Variants in RSPO2 observed in about 807,000 individuals in gnomAD.
RSPO2 encodes the protein R-spondin-2.
RSPO2 carries 14 observed loss-of-function variants against 30.9 expected under a neutral mutation model. That is an observed-to-expected ratio of 0.45 (90% CI 0.30 to 0.71). RSPO2 has a LOEUF of 0.71. RSPO2 is among the 30% of genes least tolerant of loss of function. RSPO2 has a pLI of 0.08. For synonymous variants in RSPO2, 107 were observed against 96.4 expected, an observed-to-expected ratio of 1.11 and a Z score of -0.64; for missense variants, 264 against 301.9, an observed-to-expected ratio of 0.87 and a Z score of 0.93.
chr8:108,071,783 A>C (rs1341455118), intron 2 of RSPO2, among the ~76,000 whole-genome samples: 1 of 152,226 alleles, frequency 6.6e-6, no homozygotes, highest in African/African-American at 2.4e-5. Flanking sequence ...TCAAGAAGCA[A>C]GTATCAAAAT....
intron 4 of RSPO2, among the ~76,000 whole-genome samples, chr8:107,958,945 C>T (rs186284297): frequency 6.6e-6 from 1 of 152,270 alleles, no homozygotes; most frequent in African/African-American, 2.4e-5. Flanking sequence ...TGCAGTCTAT[C>T]AGTGATGAAC....
chr8:108,000,696 G>C (rs1475566120), intron 2 of RSPO2, among the ~76,000 whole-genome samples: 1 of 151,918 alleles, frequency 6.6e-6, no homozygotes, highest in Admixed American at 6.6e-5. Flanking sequence ...GAAATAAGTG[G>C]GACTTAGAAA....
intron 2 of RSPO2, among the ~76,000 whole-genome samples, chr8:108,050,317 A>G (rs753866228): frequency 1.1e-4 from 16 of 152,168 alleles, no homozygotes; most frequent in Admixed American, 1.3e-4. Flanking sequence ...GGATCGGTTA[A>G]TTATAACAAT....
At position 107,987,076 on chromosome 8, in the gene RSPO2, T is replaced by C. The variant is rs139326685; in HGVS notation, c.283+1980A>G. On this transcript the variant is annotated intron_variant, in intron 3 of 5. Coordinates refer to ENST00000276659, the MANE Select transcript of RSPO2 (RefSeq NM_178565.5). ...TCCAAGTTTCCTCTAAGCCTAAATA[T>C]TTCTAACTCTGCTAACGACGTAACA... is the stretch of plus-strand genomic sequence containing the variant. Among the ~76,000 whole-genome samples, 688 of 152,282 alleles carry C rather than the reference T, an allele frequency of 4.5e-3. 2 individuals are homozygous for C. Among genetic ancestry groups the C allele is most frequent in the African/African-American group, 0.016 (647 of 41,562 alleles).
At chr8:108,004,785 C>G (rs964389518) in intron 2 of RSPO2, among the ~76,000 whole-genome samples, 2 of 152,136 alleles carry the variant, frequency 1.3e-5, no homozygotes, top group Non-Finnish European at 2.9e-5. Flanking sequence ...GTATAATTTA[C>G]AGATATTCTG....
At chr8:108,077,337 A>G (rs1003746296) in intron 2 of RSPO2, among the ~76,000 whole-genome samples, 3 of 152,138 alleles carry the variant, frequency 2.0e-5, no homozygotes, top group African/African-American at 4.8e-5. Flanking sequence ...GGAGGGAATC[A>G]GCAATTTTGG....
At position 108,063,353 on chromosome 8, in the gene RSPO2, C is replaced by T. The variant is rs575810143; in HGVS notation, c.94+19192G>A. ...CAAAGTCTCAGGATATAAAATCAAC[C>T]GGCAAAAATCACAAGCATTCTTATA... On this transcript the variant is annotated intron_variant, in intron 2 of 5. Coordinates refer to ENST00000276659, the MANE Select transcript of RSPO2 (RefSeq NM_178565.5). 2.0e-4 allele frequency among the ~76,000 whole-genome samples: 30 copies of T among 151,634 alleles called. No individual in the cohort carries two copies. In the South Asian group the frequency reaches 3.5e-3, roughly 18 times the overall value.
chr8:108,030,240 A>T (rs890066746), intron 2 of RSPO2, among the ~76,000 whole-genome samples: 1 of 151,906 alleles, frequency 6.6e-6, no homozygotes, highest in Non-Finnish European at 1.5e-5. Context: ...TTGAGGACAC[A>T]CTCTGCTGGA....
Position 107,899,643 on chromosome 8 carries a change from T to G in RSPO2, c.*1432A>C, listed in dbSNP as rs1241902833. On this transcript the variant is annotated 3_prime_UTR_variant, in exon 6 of 6. Coordinates refer to ENST00000276659, the MANE Select transcript of RSPO2 (RefSeq NM_178565.5). Reference sequence around the variant, plus strand: ...AATGCAAGGTGAAAAAAAAAAGGCTTTACCTTGCTTTGTTTCAAAATCCAC... The same window carrying G: ...AATGCAAGGTGAAAAAAAAAAGGCTGTACCTTGCTTTGTTTCAAAATCCAC... 6.6e-6 allele frequency: 1 copy of G among 152,542 alleles called. No homozygotes were observed. The highest frequency in any genetic ancestry group is 2.4e-5 in the African/African-American group (1 of 41,402). 9.4% of individuals were successfully genotyped at this position (152,542 alleles called of 1,614,324 possible).
chr8:107,990,893 C>A (rs1814821718), intron 2 of RSPO2, among the ~76,000 whole-genome samples: 1 of 152,054 alleles, frequency 6.6e-6, no homozygotes, highest in South Asian at 2.1e-4. Flanking sequence ...AGAAATAAGA[C>A]CACACATCTA....
chr8:108,000,776 C>G (rs1359927720), intron 2 of RSPO2, among the ~76,000 whole-genome samples: 5 of 152,084 alleles, frequency 3.3e-5, no homozygotes, highest in Non-Finnish European at 7.4e-5. Flanking sequence ...CCAAGGTGGG[C>G]AGATCACCAG....
chr8:107,988,930 C>T (rs1586605606), intron 3 of RSPO2, 126 bp downstream of exon 3: 1 of 886,382 alleles, frequency 1.1e-6, no homozygotes, highest in East Asian at 3.0e-5. Flanking sequence ...ACCCAGCAAG[C>T]TTAAACTATT....
chr8:107,944,111 TAATC>T (rs1261454793), intron 5 of RSPO2, among the ~76,000 whole-genome samples: 2 of 152,214 alleles, frequency 1.3e-5, no homozygotes, highest in Non-Finnish European at 2.9e-5. Flanking sequence ...TTTATGGTAA[TAATC>T]AAACTTATAA....
At chr8:107,949,996 T>C (rs1031381761) in intron 5 of RSPO2, among the ~76,000 whole-genome samples, 1 of 152,178 alleles carries the variant, frequency 6.6e-6, no homozygotes, top group African/African-American at 2.4e-5. Context: ...GTATGTGACA[T>C]GGGTGGTGTG....
chr8:108,070,566 C>G (rs566908480), intron 2 of RSPO2, among the ~76,000 whole-genome samples: 1 of 152,280 alleles, frequency 6.6e-6, no homozygotes, highest in African/African-American at 2.4e-5. Flanking sequence ...AAGACCCCAT[C>G]TCTTAAAGTA....
chr8:108,006,618 AG>A (rs1206689927), intron 2 of RSPO2, among the ~76,000 whole-genome samples: 3 of 151,918 alleles, frequency 2.0e-5, no homozygotes, highest in African/African-American at 7.3e-5. Context: ...GAAAAAAAAA[AG>A]AGGAATTCAA....
intron 2 of RSPO2, among the ~76,000 whole-genome samples, chr8:108,063,499 G>C (rs921430774): frequency 4.6e-5 from 7 of 151,884 alleles, no homozygotes; most frequent in Non-Finnish European, 1.0e-4. Context: ...TCTTCAAGGA[G>C]AACTACAAAC....
At chr8:107,950,060 T>C (rs559454248) in intron 5 of RSPO2, among the ~76,000 whole-genome samples, 3 of 152,312 alleles carry the variant, frequency 2.0e-5, no homozygotes, top group South Asian at 4.1e-4. Flanking sequence ...ACTGCAGAAA[T>C]GTGTTTAGCT....
intron 2 of RSPO2, among the ~76,000 whole-genome samples, chr8:108,046,206 C>T (rs968498570): frequency 9.9e-5 from 15 of 152,066 alleles, no homozygotes; most frequent in South Asian, 4.1e-4. Flanking sequence ...GAAAAGAAAA[C>T]GTTTATACAT....
Sources: allele counts gnomAD v4.1 joint callset (sites outside exome capture counted in the v4.1 genomes callset), GRCh38; gene constraint gnomAD v4.1.1; transcripts MANE v1.5; gene names NCBI Gene and HGNC (gene_info 2026-07-23, HGNC 2026-07-21).